The following CAMSAP2 variants were observed in gnomAD, a reference collection of about 807,000 sequenced individuals.
The protein encoded by CAMSAP2 is calmodulin-regulated spectrin-associated protein 2.
CAMSAP2 carries 26 observed loss-of-function variants against 146.1 expected under a neutral mutation model. The ratio of observed to expected loss-of-function variants is 0.18; its 90% confidence interval spans 0.13 to 0.25. The LOEUF is 0.25. Among genes scored for constraint, CAMSAP2 ranks in the 10% least tolerant of loss-of-function variants. The pLI is 1.00. For synonymous variants in CAMSAP2, 499 were observed against 596.6 expected, an observed-to-expected ratio of 0.84 and a Z score of 2.38; for missense variants, 1,381 against 1,759.3, an observed-to-expected ratio of 0.78 and a Z score of 3.85.
chr1:200,823,423 C>G (rs1418850050), intron 4 of CAMSAP2, among the ~76,000 whole-genome samples: 4 of 152,194 alleles, frequency 2.6e-5, no homozygotes, highest in South Asian at 2.1e-4. Context: ...AAGAAAGTAA[C>G]ATTGGTACAT....
At chr1:200,807,611 C>T in intron 3 of CAMSAP2, 74 bp downstream of exon 3, 1 of 1,014,032 alleles carries the variant, frequency 9.9e-7, no homozygotes, top group Non-Finnish European at 1.3e-6. Context: ...TACATTGCCA[C>T]TTCATTACTC....
At chr1:200,750,047 G>A (rs1664454037) in intron 1 of CAMSAP2, among the ~76,000 whole-genome samples, 1 of 152,118 alleles carries the variant, frequency 6.6e-6, no homozygotes, top group African/African-American at 2.4e-5. Flanking sequence ...GGATGGGGTG[G>A]TGTGTGTGAC....
intron 3 of CAMSAP2, among the ~76,000 whole-genome samples, chr1:200,809,271 C>T (rs992538050): frequency 2.6e-5 from 4 of 152,208 alleles, no homozygotes; most frequent in South Asian, 4.1e-4. Context: ...CATTGCCTTT[C>T]TTTTGTCCTA....
chr1:200,852,948 T>C (rs760585187), intron 12 of CAMSAP2, among the ~76,000 whole-genome samples: 3 of 151,966 alleles, frequency 2.0e-5, no homozygotes, highest in Admixed American at 6.6e-5. Context: ...CTAGAAACAT[T>C]AATTTAAATA....
intron 6 of CAMSAP2, among the ~76,000 whole-genome samples, chr1:200,839,895 G>T (rs1380545654): frequency 1.3e-5 from 2 of 152,198 alleles, no homozygotes; most frequent in African/African-American, 4.8e-5. Flanking sequence ...GAGAAGTCAA[G>T]CAGGGATGAG....
At chr1:200,854,757 T>C (rs1667706427) in intron 13 of CAMSAP2, 60 bp from the exon 14 acceptor site, 1 of 1,291,050 alleles carries the variant, frequency 7.7e-7, no homozygotes, top group Non-Finnish European at 1.1e-6. Flanking sequence ...TGCTAGTTGC[T>C]CCTTTTAAAT....
intron 2 of CAMSAP2, among the ~76,000 whole-genome samples, chr1:200,798,691 C>G (rs1256868443): frequency 1.4e-5 from 2 of 140,250 alleles, no homozygotes; most frequent in Non-Finnish European, 3.1e-5. Context: ...CTGGCCAGAA[C>G]TTCCAACACT....
intron 2 of CAMSAP2, among the ~76,000 whole-genome samples, chr1:200,793,595 T>C (rs1665810913): frequency 6.6e-6 from 1 of 152,192 alleles, no homozygotes; most frequent in Non-Finnish European, 1.5e-5. Flanking sequence ...TAGGACAGTA[T>C]TCTGAGCTTA....
chr1:200,827,420 A>AC (rs1176522115), intron 4 of CAMSAP2, among the ~76,000 whole-genome samples: 3 of 152,168 alleles, frequency 2.0e-5, no homozygotes, highest in African/African-American at 7.2e-5. Flanking sequence ...CAAATTGGAA[A>AC]CCCTGACACG....
At position 200,858,602 on chromosome 1, in the gene CAMSAP2, T is replaced by G. The variant is rs1667803450; in HGVS notation, c.*543T>G. 1 of 152,640 alleles carries G rather than the reference T, an allele frequency of 6.6e-6. No individual in the cohort carries two copies. Among genetic ancestry groups the G allele is most frequent in the Non-Finnish European group, 1.5e-5 (1 of 67,920 alleles). 9.5% of individuals were successfully genotyped at this position (152,640 alleles called of 1,614,324 possible). On this transcript the variant is annotated 3_prime_UTR_variant, in exon 17 of 17. Coordinates refer to ENST00000358823, the MANE Select transcript of CAMSAP2 (RefSeq NM_203459.4). ...TTAAGAGAAACACTAGTGTTTAGTT[T>G]TACAGTAACCCTCATATTTTAATGG...
chr1:200,748,095 C>T (rs928088398), intron 1 of CAMSAP2, among the ~76,000 whole-genome samples: 1 of 152,048 alleles, frequency 6.6e-6, no homozygotes, highest in Admixed American at 6.6e-5. Flanking sequence ...ACACTCTTCT[C>T]TTGCTTTTTT....
rs1553276827 is a variant in CAMSAP2, at chr1:200,738,940, A to AGCTGCGGCG, written c.-886_-885insTGCGGCGGC. On this transcript the variant is annotated 5_prime_UTR_variant, in exon 1 of 17. Transcript: ENST00000358823. ...TCCAGTGCCGCAGCCGGAAAACCGC[A>AGCTGCGGCG]GCGGCGGCGGCGGCGGCTGAGGGGG... is the stretch of plus-strand genomic sequence containing the variant. Among the ~76,000 whole-genome samples the AGCTGCGGCG allele has an allele frequency of 6.7e-6, 1 of 149,012 alleles. No homozygotes were observed. Among genetic ancestry groups the AGCTGCGGCG allele is most frequent in the Non-Finnish European group, 1.5e-5 (1 of 67,558 alleles).
chr1:200,837,826 T>G (rs1404221788), intron 6 of CAMSAP2, among the ~76,000 whole-genome samples: 1 of 152,180 alleles, frequency 6.6e-6, no homozygotes, highest in Non-Finnish European at 1.5e-5. Context: ...TTTTATTCTT[T>G]TTGTGCCAGT....
At chr1:200,754,401 C>T (rs1028359239) in intron 1 of CAMSAP2, among the ~76,000 whole-genome samples, 2 of 152,016 alleles carry the variant, frequency 1.3e-5, no homozygotes, top group Admixed American at 6.6e-5. Flanking sequence ...TATTTTTCCA[C>T]TTTAAATTAA....
At chr1:200,846,413 A>G (rs1667460345) in intron 8 of CAMSAP2, among the ~76,000 whole-genome samples, 1 of 152,204 alleles carries the variant, frequency 6.6e-6, no homozygotes, top group Admixed American at 6.5e-5. Flanking sequence ...TGGAAAACTC[A>G]TCTCTTTTCT....
chr1:200,856,020 G>A lies in CAMSAP2; in HGVS notation c.3907G>A (p.Val1303Ile), dbSNP rs1667741979. 2 of 1,610,556 alleles carry A rather than the reference G, an allele frequency of 1.2e-6. No individual in the cohort carries two copies. The highest frequency in any genetic ancestry group is 2.2e-5 in the East Asian group (1 of 44,876). Reference sequence around the variant, plus strand: ...TTATTTTCTAATTAGATCAGAGTCTGTAGAAGGCTTCTTATCTCCAAGTCG... The same window carrying A: ...TTATTTTCTAATTAGATCAGAGTCTATAGAAGGCTTCTTATCTCCAAGTCG... ...SGKRTPRSESVEGFLSPSRCG... is the reference protein window; with the variant it reads ...SGKRTPRSESIEGFLSPSRCG... Residue 1303 changes from valine (V) to isoleucine (I), a missense_variant, in exon 15 of 17, where the codon GTA becomes ATA. Transcript: ENST00000358823.
chr1:200,816,606 ATATATATAT>A (rs1389723914), intron 4 of CAMSAP2, among the ~76,000 whole-genome samples: 1 of 94,292 alleles, frequency 1.1e-5, no homozygotes, highest in Non-Finnish European at 2.3e-5. Flanking sequence ...AAAAAAAAAA[ATATATATAT>A]ATATATATAT....
chr1:200,746,401 A>T (rs937645394), intron 1 of CAMSAP2, among the ~76,000 whole-genome samples: 1 of 152,108 alleles, frequency 6.6e-6, no homozygotes, highest in African/African-American at 2.4e-5. Context: ...GTTAAGATTG[A>T]TTCTATTTTG....
intron 2 of CAMSAP2, among the ~76,000 whole-genome samples, chr1:200,803,896 T>C (rs147002877): frequency 5.9e-4 from 89 of 151,376 alleles, no homozygotes; most frequent in Middle Eastern, 3.4e-3. Flanking sequence ...TCTGTGGTAT[T>C]CAAACATTAT....
Sources: gnomAD v4.1 joint callset for allele counts (sites outside exome capture counted in the v4.1 genomes callset) on GRCh38, gnomAD v4.1.1 for gene constraint, MANE v1.5 for transcripts, NCBI Gene and HGNC (gene_info 2026-07-23, HGNC 2026-07-21) for gene names.